Variants in NOL10 observed in about 807,000 individuals in gnomAD.
The protein encoded by NOL10 is H_NH0074G24.1.
Under a neutral mutation model 103.5 loss-of-function variants are expected in NOL10, and 58 were observed. The observed-to-expected ratio is 0.56, with a 90% CI of 0.45 to 0.70. The LOEUF (loss-of-function observed/expected upper bound fraction) is 0.70. Ranked by LOEUF, NOL10 falls within the 30% of genes least tolerant of loss-of-function variation. The pLI, the probability that NOL10 is intolerant of heterozygous loss-of-function variation, is 0.00. For missense variants in NOL10, 763 were observed against 807.3 expected (o/e 0.95, Z 0.67); for synonymous variants, 287 against 282.5 (o/e 1.02, Z -0.16).
intron 13 of NOL10, among the ~76,000 whole-genome samples, chr2:10,621,572 C>A (rs1368170058): frequency 1.3e-5 from 2 of 152,074 alleles, no homozygotes; most frequent in African/African-American, 2.4e-5. Flanking sequence ...CCAGCCTGGG[C>A]AACAGAATAA....
chr2:10,687,921 C>CA (rs1228086572), intron 1 of NOL10, among the ~76,000 whole-genome samples: 17 of 151,522 alleles, frequency 1.1e-4, no homozygotes, highest in Admixed American at 5.9e-4. Flanking sequence ...CACGCGACCT[C>CA]AAAAAAAAAT....
At chr2:10,600,819 G>A (rs773839443) in intron 17 of NOL10, 34 bp downstream of exon 17, 17 of 1,350,070 alleles carry the variant, frequency 1.3e-5, no homozygotes, top group Admixed American at 4.1e-5. Flanking sequence ...TCAACAAAAC[G>A]CAGAAACAAT....
chr2:10,631,673 T>C lies in NOL10; in HGVS notation c.1026+12647A>G, dbSNP rs569718750. Among the ~76,000 whole-genome samples, 20 of 151,628 alleles carry C rather than the reference T, an allele frequency of 1.3e-4. 2 individuals carry two copies. The South Asian group carries it at 4.0e-3, about 30-fold the overall frequency. On this transcript the variant is annotated intron_variant, in intron 13 of 20. Coordinates refer to ENST00000381685, the MANE Select transcript of NOL10 (RefSeq NM_024894.4). The stretch of plus-strand genomic sequence containing the variant: ...GCCAAAGAACTGATGCTAATCCTAC[T>C]GTATGAAAATTATACTCTGGCACAC...
At position 10,654,784 on chromosome 2, in the gene NOL10, A is replaced by T. The variant is rs148507923; in HGVS notation, c.907-237T>A. Among the ~76,000 whole-genome samples, 3 of 152,346 alleles carry T rather than the reference A, an allele frequency of 2.0e-5. No homozygotes were observed. In the East Asian group the frequency reaches 5.8e-4, roughly 29 times the overall value. Reference sequence around the variant, plus strand: ...AGGAGAAGAAGTGACCTGTCCAAAAAAAAGAAAAATTACAACATTTTAAAG... The same window carrying T: ...AGGAGAAGAAGTGACCTGTCCAAAATAAAGAAAAATTACAACATTTTAAAG... On this transcript the variant is annotated intron_variant, in intron 11 of 20. Transcript: ENST00000381685.
chr2:10,604,301 A>G (rs1383998607), intron 14 of NOL10, among the ~76,000 whole-genome samples: 1 of 152,208 alleles, frequency 6.6e-6, no homozygotes, highest in African/African-American at 2.4e-5. Flanking sequence ...GCATTACTCT[A>G]ATTTCCAAAT....
intron 1 of NOL10, 94 bp from the exon 2 acceptor site, chr2:10,684,706 A>T: frequency 1.1e-6 from 1 of 902,818 alleles, no homozygotes; most frequent in South Asian, 1.5e-5. Context: ...TTAAAAATTC[A>T]AACTTCATAG....
At chr2:10,613,476 T>C (rs1044830768) in intron 13 of NOL10, among the ~76,000 whole-genome samples, 4 of 152,242 alleles carry the variant, frequency 2.6e-5, no homozygotes, top group Non-Finnish European at 4.4e-5. Context: ...AAGATAGCTT[T>C]GCAAGGGGCA....
chr2:10,587,366 G>A (rs1387645203), intron 19 of NOL10, among the ~76,000 whole-genome samples: 1 of 145,860 alleles, frequency 6.9e-6, no homozygotes, highest in Non-Finnish European at 1.5e-5. Context: ...TGCCTCCCGG[G>A]TCCAAGCAAT....
intron 13 of NOL10, among the ~76,000 whole-genome samples, chr2:10,616,975 A>G (rs6432126): frequency 0.59 from 89,149 of 150,770 alleles, 27,436 homozygotes; most frequent in African/African-American, 0.74. Flanking sequence ...ACAAAGAGGC[A>G]GGCACTTTCC....
chr2:10,658,793 T>C (rs1260294422), intron 10 of NOL10, among the ~76,000 whole-genome samples: 2 of 152,142 alleles, frequency 1.3e-5, no homozygotes, highest in African/African-American at 2.4e-5. Context: ...AGAGAATACC[T>C]ATGGCCAAGC....
rs1680711481 is a variant in NOL10, at chr2:10,668,687, T to C, written c.501A>G (p.Arg167=). 8 of 1,547,270 alleles carry C rather than the reference T, an allele frequency of 5.2e-6. No individual in the cohort carries two copies. Among genetic ancestry groups the C allele is most frequent in the Non-Finnish European group, 7.0e-6 (8 of 1,136,600 alleles). ...CATCAGTTTGTAGAGGATTCAGGTA[T>C]CGTCCTTGTTCTAAGTTTAACCTAT... ...EVYRLNLEQG[R]YLNPLQTDAA... Residue 167 remains arginine, a synonymous_variant, in exon 7 of 21, where the codon CGA becomes CGG. Transcript: ENST00000381685.
chr2:10,663,303 G>T (rs995205131), intron 8 of NOL10, among the ~76,000 whole-genome samples: 9 of 149,172 alleles, frequency 6.0e-5, no homozygotes, highest in Non-Finnish European at 5.9e-5. Flanking sequence ...GGAGGTGGAG[G>T]TTGCAGTGAG....
intron 8 of NOL10, among the ~76,000 whole-genome samples, chr2:10,665,243 A>C (rs1680497335): frequency 6.6e-6 from 1 of 152,236 alleles, no homozygotes; most frequent in Admixed American, 6.5e-5. Flanking sequence ...CATAAAAAAG[A>C]AAAGTTGCAT....
intron 13 of NOL10, among the ~76,000 whole-genome samples, chr2:10,642,570 C>T (rs1678771104): frequency 6.6e-6 from 1 of 152,108 alleles, no homozygotes; most frequent in South Asian, 2.1e-4. Context: ...TACCTGCCCC[C>T]ACAGGCTCGA....
intron 13 of NOL10, among the ~76,000 whole-genome samples, chr2:10,616,205 A>C (rs558183725): frequency 5.0e-4 from 75 of 149,704 alleles, no homozygotes; most frequent in African/African-American, 1.5e-3. Context: ...CCAGTGGACA[A>C]CACCACCCTG....
At position 10,634,817 on chromosome 2, in the gene NOL10, G is replaced by A. The variant is rs146973311; in HGVS notation, c.1026+9503C>T. Among the ~76,000 whole-genome samples, 7 of 152,282 alleles carry A rather than the reference G, an allele frequency of 4.6e-5. No individual in the cohort carries two copies. The East Asian group carries it at 9.6e-4, about 21-fold the overall frequency. The stretch of plus-strand genomic sequence containing the variant: ...AAAGAAGGAATCCCAGGAGAATGTG[G>A]CCTTCTAGAAGCTGGGCACAGAGTT... On this transcript the variant is annotated intron_variant, in intron 13 of 20. Coordinates refer to ENST00000381685, the MANE Select transcript of NOL10 (RefSeq NM_024894.4).
chr2:10,575,649 C>T (rs1321151752), intron 20 of NOL10, among the ~76,000 whole-genome samples: 3 of 152,096 alleles, frequency 2.0e-5, no homozygotes, highest in African/African-American at 7.2e-5. Context: ...TCAGTACCTC[C>T]CGATTTAGAA....
chr2:10,685,188 T>G (rs1029521834), intron 1 of NOL10, among the ~76,000 whole-genome samples: 1 of 152,200 alleles, frequency 6.6e-6, no homozygotes, highest in South Asian at 2.1e-4. Flanking sequence ...AGAAATATAT[T>G]TTTTACAAGG....
intron 13 of NOL10, among the ~76,000 whole-genome samples, chr2:10,610,453 G>A (rs113596526): frequency 6.6e-6 from 1 of 151,958 alleles, no homozygotes; most frequent in African/African-American, 2.4e-5. Context: ...AAATTTTCTA[G>A]GAAAAAATAT....
Sources: gnomAD v4.1 joint callset for allele counts (sites outside exome capture counted in the v4.1 genomes callset) on GRCh38, gnomAD v4.1.1 for gene constraint, MANE v1.5 for transcripts, NCBI Gene and HGNC (gene_info 2026-07-23, HGNC 2026-07-21) for gene names.